TNNI3K: variants seen among roughly 807,000 people sequenced by gnomAD.
TNNI3K encodes serine/threonine-protein kinase TNNI3K.
TNNI3K carries 140 observed loss-of-function variants against 114.5 expected under a neutral mutation model. The ratio of observed to expected loss-of-function variants is 1.22; its 90% CI spans 1.07 to 1.41. The LOEUF (loss-of-function observed/expected upper bound fraction) is 1.41, where lower values mean the gene tolerates loss of function less well. TNNI3K is among the 40% of genes most tolerant of loss of function. TNNI3K has a pLI of 0.00. For synonymous variants in TNNI3K, 347 were observed against 347.5 expected (o/e 1.00, Z 0.02); for missense variants, 1,125 against 1,007.6 (o/e 1.12, Z -1.58).
chr1:74,499,881 A>C (rs2100336060), intron 23 of TNNI3K, among the ~76,000 whole-genome samples: 1 of 152,262 alleles, frequency 6.6e-6, no homozygotes, highest in Non-Finnish European at 1.5e-5. Flanking sequence ...TGTGATAAAT[A>C]GTTACATCCA....
chr1:74,276,958 A>G (rs1022178191), intron 5 of TNNI3K, among the ~76,000 whole-genome samples: 2 of 152,086 alleles, frequency 1.3e-5, no homozygotes, highest in African/African-American at 4.8e-5. Context: ...CCAGGTCTCA[A>G]TACTTCTCTT....
chr1:74,442,338 T>G (rs768441786), intron 20 of TNNI3K, among the ~76,000 whole-genome samples: 6 of 152,092 alleles, frequency 3.9e-5, no homozygotes, highest in South Asian at 2.1e-4. Context: ...TACCCTTAAA[T>G]CAATACCACA....
intron 23 of TNNI3K, among the ~76,000 whole-genome samples, chr1:74,519,977 GA>G (rs1333822946): frequency 3.3e-5 from 5 of 152,178 alleles, no homozygotes; most frequent in Non-Finnish European, 7.4e-5. Context: ...TTCTCTGTGG[GA>G]TCTTGCCCAA....
intron 2 of TNNI3K, among the ~76,000 whole-genome samples, chr1:74,243,366 T>A (rs1654365729): frequency 6.6e-6 from 1 of 152,190 alleles, no homozygotes; most frequent in Admixed American, 6.5e-5. Context: ...GAATCTGCAA[T>A]GAATAGGCAA....
intron 23 of TNNI3K, among the ~76,000 whole-genome samples, chr1:74,532,918 G>C (rs912995053): frequency 2.8e-4 from 43 of 152,254 alleles, no homozygotes; most frequent in Admixed American, 2.7e-3. Context: ...ATTAATTCAA[G>C]ATGGATTAAA....
chr1:74,525,586 C>T (rs1646493101), intron 23 of TNNI3K, among the ~76,000 whole-genome samples: 1 of 152,156 alleles, frequency 6.6e-6, no homozygotes, highest in African/African-American at 2.4e-5. Flanking sequence ...AACTCTGTGC[C>T]CAAATGCCAA....
At chr1:74,263,426 A>C (rs1466018308) in intron 4 of TNNI3K, among the ~76,000 whole-genome samples, 2 of 152,022 alleles carry the variant, frequency 1.3e-5, no homozygotes, top group African/African-American at 4.8e-5. Context: ...AACGCTTGAT[A>C]TATATACTTA....
At chr1:74,501,361 C>G (rs1669615128) in intron 23 of TNNI3K, among the ~76,000 whole-genome samples, 1 of 152,192 alleles carries the variant, frequency 6.6e-6, no homozygotes, top group Non-Finnish European at 1.5e-5. Context: ...TTAAAAAAAG[C>G]TGTAGACCTG....
chr1:74,277,530 A>G (rs1445103593), intron 5 of TNNI3K, among the ~76,000 whole-genome samples: 1 of 152,224 alleles, frequency 6.6e-6, no homozygotes, highest in Admixed American at 6.5e-5. Flanking sequence ...TGCATTCACT[A>G]TATGGGCATA....
chr1:74,480,933 C>G lies in TNNI3K; in HGVS notation c.2122-8256C>G. The G allele has an allele frequency of 4.2e-6, 3 of 716,898 alleles. No homozygotes were observed. In the East Asian group the frequency reaches 8.1e-5, roughly 19 times the overall value. 44.4% of individuals were successfully genotyped at this position (716,898 alleles called of 1,614,324 possible). On this transcript the variant is annotated intron_variant, in intron 21 of 24. Coordinates refer to ENST00000326637, the MANE Select transcript of TNNI3K (RefSeq NM_015978.3). ...CTCTCAATAGAGGAGAGATATCCAT[C>G]GGTGATGATTAAAACCCTCGTGGTC...
At chr1:74,432,464 A>C (rs77432651) in intron 17 of TNNI3K, among the ~76,000 whole-genome samples, 1,994 of 152,198 alleles carry the variant, frequency 0.013, 104 homozygotes, top group Admixed American at 0.1. Flanking sequence ...TCTGATCCTG[A>C]TGATTGTCTC....
At chr1:74,375,691 C>T in intron 17 of TNNI3K, 3 of 440,770 alleles carry the variant, frequency 6.8e-6, no homozygotes, top group Non-Finnish European at 1.4e-5. Flanking sequence ...TCATCTCCAA[C>T]CCAACCAATC....
chr1:74,531,396 A>T (rs1646581002), intron 23 of TNNI3K, among the ~76,000 whole-genome samples: 1 of 152,234 alleles, frequency 6.6e-6, no homozygotes, highest in African/African-American at 2.4e-5. Context: ...GGACCATTTC[A>T]AAGTTAGGCC....
chr1:74,257,378 A>C (rs542220877), intron 4 of TNNI3K, among the ~76,000 whole-genome samples: 32 of 152,266 alleles, frequency 2.1e-4, no homozygotes, highest in African/African-American at 7.5e-4. Context: ...AGATTAGCTC[A>C]GTATTTGTTT....
intron 7 of TNNI3K, chr1:74,341,666 C>G (rs1660753583): frequency 6.6e-6 from 1 of 151,790 alleles, no homozygotes; most frequent in African/African-American, 2.4e-5. Flanking sequence ...AATCTTCTTC[C>G]TCAGAACAGA....
chr1:74,352,316 C>A (rs1045305175), intron 9 of TNNI3K, among the ~76,000 whole-genome samples: 3 of 152,024 alleles, frequency 2.0e-5, no homozygotes, highest in Non-Finnish European at 2.9e-5. Flanking sequence ...GCTGCCTGAT[C>A]GTTCCTCTGG....
intron 23 of TNNI3K, among the ~76,000 whole-genome samples, chr1:74,537,362 A>G (rs1299753950): frequency 6.6e-6 from 1 of 152,158 alleles, no homozygotes; most frequent in African/African-American, 2.4e-5. Flanking sequence ...AGAAAACATT[A>G]TGTCCCATTT....
intron 17 of TNNI3K, among the ~76,000 whole-genome samples, chr1:74,377,587 A>G (rs546066985): frequency 3.9e-5 from 6 of 152,234 alleles, no homozygotes; most frequent in Admixed American, 6.5e-5. Flanking sequence ...ATAGATACAC[A>G]TATAAAGAGA....
At position 74,343,101 on chromosome 1, in the gene TNNI3K, T is replaced by G; in HGVS notation, c.854T>G (p.Val285Gly). The change falls in exon 9 of 25, where the codon GTT becomes GGT. Residue 285 changes from valine (V) to glycine (G), a missense_variant. Coordinates refer to ENST00000326637, the MANE Select transcript of TNNI3K (RefSeq NM_015978.3). ...HLACYNGKFE[V>G]AKEIIQISGT... ...GCATGCTACAATGGCAAATTTGAAG[T>G]TGCCAAGGAAATCATCCAAATATCA... 1 of 1,613,406 alleles carries G rather than the reference T, an allele frequency of 6.2e-7. No homozygotes were observed. Among genetic ancestry groups the G allele is most frequent in the Non-Finnish European group, 8.5e-7 (1 of 1,179,784 alleles).
Sources: allele counts gnomAD v4.1 joint callset (sites outside exome capture counted in the v4.1 genomes callset), GRCh38; gene constraint gnomAD v4.1.1; transcripts MANE v1.5; gene names NCBI Gene and HGNC (gene_info 2026-07-23, HGNC 2026-07-21).